Variants in CTNND2 observed in about 807,000 individuals in gnomAD.
CTNND2 encodes the protein catenin delta-2.
CTNND2 carries 22 observed loss-of-function variants against 144.4 expected under a neutral mutation model. The observed-to-expected ratio is 0.15, with a 90% confidence interval of 0.11 to 0.22. The LOEUF is 0.22. CTNND2 is among the 10% of genes least tolerant of loss of function. The pLI, the probability that CTNND2 is intolerant of heterozygous loss-of-function variation, is 1.00. For synonymous variants in CTNND2, 751 were observed against 695.6 expected (o/e 1.08, Z -1.25); for missense variants, 1,353 against 1,618.8 (o/e 0.84, Z 2.82).
intron 1 of CTNND2, among the ~76,000 whole-genome samples, chr5:11,743,746 G>A (rs1788151939): frequency 6.6e-6 from 1 of 152,120 alleles, no homozygotes; most frequent in Admixed American, 6.5e-5. Flanking sequence ...GGAGGGTGGA[G>A]AGCTGGTGGG....
At chr5:11,430,505 A>C (rs1052848394) in intron 3 of CTNND2, among the ~76,000 whole-genome samples, 15 of 152,062 alleles carry the variant, frequency 9.9e-5, no homozygotes, top group Non-Finnish European at 1.9e-4. Flanking sequence ...AAATGCAGGA[A>C]AGTTCCCAAA....
At chr5:11,773,358 CACTT>C (rs907065514) in intron 1 of CTNND2, among the ~76,000 whole-genome samples, 2 of 152,144 alleles carry the variant, frequency 1.3e-5, no homozygotes, top group African/African-American at 4.8e-5. Context: ...TTGCTGAAAA[CACTT>C]AATTATTTAA....
chr5:11,183,549 CTTTTTTTTTTGGTT>C (rs1735320261), intron 11 of CTNND2, among the ~76,000 whole-genome samples: 1 of 144,606 alleles, frequency 6.9e-6, no homozygotes, highest in African/African-American at 2.5e-5. Flanking sequence ...AATTTAGTTT[CTTTTTTTTTTGGTT>C]TTTTTTTTTT....
At chr5:11,551,039 C>G (rs1423178118) in intron 3 of CTNND2, among the ~76,000 whole-genome samples, 1 of 152,164 alleles carries the variant, frequency 6.6e-6, no homozygotes, top group African/African-American at 2.4e-5. Flanking sequence ...TAAGGCCACC[C>G]TCTCTAACGT....
intron 9 of CTNND2, among the ~76,000 whole-genome samples, chr5:11,316,162 G>A (rs1057077826): frequency 6.6e-6 from 1 of 152,166 alleles, no homozygotes; most frequent in African/African-American, 2.4e-5. Flanking sequence ...GGGTAAATCA[G>A]GACTAACACA....
intron 2 of CTNND2, among the ~76,000 whole-genome samples, chr5:11,698,460 T>C (rs60849473): frequency 0.13 from 19,858 of 151,694 alleles, 4,323 homozygotes; most frequent in African/African-American, 0.45. Context: ...AGCTAATTTT[T>C]GTATTTTTAG....
At chr5:11,074,707 C>A (rs757966589) in intron 16 of CTNND2, among the ~76,000 whole-genome samples, 6 of 152,186 alleles carry the variant, frequency 3.9e-5, no homozygotes, top group African/African-American at 1.4e-4. Flanking sequence ...AAAAACATTT[C>A]TCACTAAGTA....
Position 11,256,759 on chromosome 5 carries a change from C to T in CTNND2, c.1629-19936G>A, listed in dbSNP as rs150983512. Among the ~76,000 whole-genome samples the T allele has an allele frequency of 3.0e-4, 45 of 152,218 alleles. No homozygotes were observed. The East Asian group carries it at 5.4e-3, about 18-fold the overall frequency. On this transcript the variant is annotated intron_variant, in intron 9 of 21. Coordinates refer to ENST00000304623, the MANE Select transcript of CTNND2 (RefSeq NM_001332.4). ...TAATATCCACTGGCCCCAGGGGCTA[C>T]GGATGAGGAGGTCAAGGTGGGATAA... is the stretch of plus-strand genomic sequence containing the variant.
chr5:11,637,116 T>C (rs78076934), intron 2 of CTNND2, among the ~76,000 whole-genome samples: 1 of 152,156 alleles, frequency 6.6e-6, no homozygotes, highest in Non-Finnish European at 1.5e-5. Flanking sequence ...TATAGAAGTT[T>C]ATATATTTTT....
intron 3 of CTNND2, among the ~76,000 whole-genome samples, chr5:11,451,705 T>C (rs1017502465): frequency 6.6e-6 from 1 of 152,248 alleles, no homozygotes; most frequent in African/African-American, 2.4e-5. Flanking sequence ...TTATTTATTA[T>C]GAAAGGCAGT....
At chr5:11,467,667 G>T (rs1766806427) in intron 3 of CTNND2, among the ~76,000 whole-genome samples, 1 of 152,148 alleles carries the variant, frequency 6.6e-6, no homozygotes, top group Admixed American at 6.5e-5. Flanking sequence ...GGGCTTCTGG[G>T]GGTAACATTT....
At position 11,210,387 on chromosome 5, in the gene CTNND2, G is replaced by GT. The variant is rs2149844627; in HGVS notation, c.1762-10727_1762-10726insA. ...TACTCCAGCCTGGATGACAGAGGAAGACTCTGTCTAAAAATAAATAAATAA... is the reference window on the plus strand; with the variant it reads ...TACTCCAGCCTGGATGACAGAGGAAGTACTCTGTCTAAAAATAAATAAATAA... On this transcript the variant is annotated intron_variant, in intron 10 of 21. Coordinates refer to ENST00000304623, the MANE Select transcript of CTNND2 (RefSeq NM_001332.4). 1.3e-5 allele frequency among the ~76,000 whole-genome samples: 2 copies of GT among 152,316 alleles called. 1 individual carries two copies. Among genetic ancestry groups the GT allele is most frequent in the South Asian group, 4.1e-4 (2 of 4,822 alleles).
intron 1 of CTNND2, among the ~76,000 whole-genome samples, chr5:11,869,627 A>T (rs188518203): frequency 2.6e-5 from 4 of 152,368 alleles, no homozygotes. Flanking sequence ...ATTCGAAATA[A>T]TGCAAAAGTT....
At chr5:11,103,479 T>C (rs2149674029) in intron 14 of CTNND2, among the ~76,000 whole-genome samples, 1 of 151,768 alleles carries the variant, frequency 6.6e-6, no homozygotes, top group Admixed American at 6.6e-5. Context: ...GAGACCAGCC[T>C]GGCCAACGTG....
intron 18 of CTNND2, among the ~76,000 whole-genome samples, chr5:11,002,014 C>T (rs4702781): frequency 0.44 from 66,682 of 152,104 alleles, 15,818 homozygotes; most frequent in African/African-American, 0.59. Flanking sequence ...GAAGAAGATA[C>T]AGGTACCTGC....
At chr5:11,366,421 C>T (rs1319928184) in intron 7 of CTNND2, among the ~76,000 whole-genome samples, 3 of 152,110 alleles carry the variant, frequency 2.0e-5, no homozygotes, top group African/African-American at 7.2e-5. Context: ...ACAGGGCAGG[C>T]AAGTTCCTTA....
At chr5:11,714,907 C>T (rs1014437439) in intron 2 of CTNND2, among the ~76,000 whole-genome samples, 8 of 146,208 alleles carry the variant, frequency 5.5e-5, no homozygotes, top group Non-Finnish European at 8.9e-5. Flanking sequence ...AGCAATATTC[C>T]GTCTCAAAAA....
At chr5:11,040,811 T>C (rs923379374) in intron 16 of CTNND2, among the ~76,000 whole-genome samples, 1 of 152,226 alleles carries the variant, frequency 6.6e-6, no homozygotes, top group African/African-American at 2.4e-5. Flanking sequence ...ATGATAACCA[T>C]AAAAATAATT....
At chr5:11,112,740 G>T (rs1273052439) in intron 13 of CTNND2, among the ~76,000 whole-genome samples, 1 of 152,218 alleles carries the variant, frequency 6.6e-6, no homozygotes, top group Admixed American at 6.5e-5. Context: ...TAGCCGGCTT[G>T]GCTTCCAATC....
Sources: allele counts gnomAD v4.1 joint callset (sites outside exome capture counted in the v4.1 genomes callset), GRCh38; gene constraint gnomAD v4.1.1; transcripts MANE v1.5; gene names NCBI Gene and HGNC (gene_info 2026-07-23, HGNC 2026-07-21).